Variants in CNTNAP4 observed in about 807,000 individuals in gnomAD.
CNTNAP4 encodes the protein contactin-associated protein-like 4.
CNTNAP4 carries 98 observed loss-of-function variants against 148.4 expected under a neutral mutation model. That is an observed-to-expected ratio of 0.66 (90% confidence interval 0.56 to 0.78). The LOEUF (loss-of-function observed/expected upper bound fraction) is 0.78, where lower values mean the gene tolerates loss of function less well. Among genes scored for constraint, CNTNAP4 ranks in the 30% least tolerant of loss-of-function variants. The pLI, the probability that CNTNAP4 is intolerant of heterozygous loss-of-function variation, is 0.00. For synonymous variants in CNTNAP4, 730 were observed against 565.1 expected (o/e 1.29, Z -4.14); for missense variants, 1,935 against 1,565.6 (o/e 1.24, Z -3.98).
intron 3 of CNTNAP4, among the ~76,000 whole-genome samples, chr16:76,363,393 C>G (rs149028747): frequency 2.6e-5 from 4 of 151,940 alleles, no homozygotes; most frequent in Non-Finnish European, 5.9e-5. Context: ...AACTCCCTAC[C>G]TTAGGCAATC....
At position 76,498,831 on chromosome 16, in the gene CNTNAP4, C is replaced by A. The variant is rs2082510046; in HGVS notation, c.2365+137C>A. On this transcript the variant is annotated intron_variant, in intron 15 of 23. Transcript: ENST00000611870. ...TGAACATTTTTTTTGTTTGTTTCCA[C>A]ATACATGAGGTGCCTTTAGTAGTCA... The A allele has an allele frequency of 3.6e-6, 3 of 836,916 alleles. No individual in the cohort carries two copies. In the African/African-American group the frequency reaches 5.2e-5, roughly 15 times the overall value. 51.8% of individuals were successfully genotyped at this position (836,916 alleles called of 1,614,324 possible). A position where few individuals can be genotyped will look rare whatever the true frequency, so the allele number is the denominator to read the frequency against.
At chr16:76,521,452 CTT>C (rs2083450830) in intron 16 of CNTNAP4, 142 bp downstream of exon 16, 1 of 598,728 alleles carries the variant, frequency 1.7e-6, no homozygotes, top group African/African-American at 1.9e-5. Flanking sequence ...ATAATATTAA[CTT>C]ATCCTGTTTG....
chr16:76,365,751 C>CAAAA (rs35586454), intron 3 of CNTNAP4, among the ~76,000 whole-genome samples: 22,278 of 98,854 alleles, frequency 0.23, 2,260 homozygotes, highest in Non-Finnish European at 0.27. Context: ...GACTCCGTCT[C>CAAAA]AAAAAAAAAA....
At chr16:76,514,903 G>C (rs1597794040) in intron 15 of CNTNAP4, among the ~76,000 whole-genome samples, 1 of 152,078 alleles carries the variant, frequency 6.6e-6, no homozygotes. Flanking sequence ...TTTAGAAGAT[G>C]CACTGATTAC....
chr16:76,401,545 C>T (rs1454304653), intron 3 of CNTNAP4, among the ~76,000 whole-genome samples: 2 of 152,110 alleles, frequency 1.3e-5, no homozygotes, highest in East Asian at 3.9e-4. Context: ...ATTTCTTTCT[C>T]TTGCCTGATT....
intron 4 of CNTNAP4, among the ~76,000 whole-genome samples, chr16:76,436,703 C>T (rs1007820098): frequency 6.6e-6 from 1 of 152,214 alleles, no homozygotes; most frequent in South Asian, 2.1e-4. Flanking sequence ...AAACTCCTTA[C>T]CTCTCACAAG....
At chr16:76,373,827 G>A (rs1440096930) in intron 3 of CNTNAP4, among the ~76,000 whole-genome samples, 2 of 150,518 alleles carry the variant, frequency 1.3e-5, no homozygotes, top group Non-Finnish European at 3.0e-5. Context: ...CTCGGGAGGT[G>A]GAGGTTGCAA....
intron 2 of CNTNAP4, among the ~76,000 whole-genome samples, chr16:76,332,116 T>A (rs8044637): frequency 0.12 from 18,132 of 152,242 alleles, 1,476 homozygotes; most frequent in East Asian, 0.32. Context: ...ACTTGATGCT[T>A]TTAAGATTTT....
chr16:76,379,580 G>A (rs2015762026), intron 3 of CNTNAP4, among the ~76,000 whole-genome samples: 1 of 152,028 alleles, frequency 6.6e-6, no homozygotes, highest in Admixed American at 6.6e-5. Context: ...CGGAGGTCAC[G>A]TCCTAATTAA....
intron 9 of CNTNAP4, among the ~76,000 whole-genome samples, chr16:76,462,311 A>G (rs1403099374): frequency 6.6e-6 from 1 of 152,194 alleles, no homozygotes; most frequent in Non-Finnish European, 1.5e-5. Context: ...TTCTGTTTAC[A>G]GTTTCTTGAT....
At chr16:76,524,880 G>T (rs1056753044) in intron 17 of CNTNAP4, among the ~76,000 whole-genome samples, 2 of 151,944 alleles carry the variant, frequency 1.3e-5, no homozygotes, top group African/African-American at 4.8e-5. Flanking sequence ...ATAAAAATCT[G>T]TTTATGCATT....
chr16:76,338,154 G>GA (rs1415136542), intron 2 of CNTNAP4, among the ~76,000 whole-genome samples: 4 of 152,330 alleles, frequency 2.6e-5, no homozygotes, highest in Admixed American at 1.3e-4. Context: ...AAATGTCCAT[G>GA]AAATCTTCAC....
rs199919225 is a variant in CNTNAP4, at chr16:76,462,110, G to A, written c.1483+5G>A. On this transcript the variant is annotated splice_donor_5th_base_variant and intron_variant, in intron 9 of 23. Coordinates refer to ENST00000611870, the MANE Select transcript of CNTNAP4 (RefSeq NM_033401.5). ...GTGGCACCTATTATTTTGGAGGTAA[G>A]AATAGGTGCCAGGCTCTATGAGCAA... 1.5e-5 allele frequency: 24 copies of A among 1,611,960 alleles called. No homozygotes were observed. The highest frequency in any genetic ancestry group is 1.5e-5 in the Non-Finnish European group (18 of 1,178,868).
chr16:76,466,223 A>T (rs940446016), intron 9 of CNTNAP4, among the ~76,000 whole-genome samples: 28 of 152,188 alleles, frequency 1.8e-4, no homozygotes, highest in African/African-American at 6.0e-4. Context: ...TAACATAATG[A>T]TCTCCAGTTC....
At chr16:76,372,438 G>C (rs1029951750) in intron 3 of CNTNAP4, among the ~76,000 whole-genome samples, 3 of 151,794 alleles carry the variant, frequency 2.0e-5, no homozygotes, top group East Asian at 1.9e-4. Flanking sequence ...GTGGGCCACC[G>C]TGCCCTGCTG....
rs1363088347 is a variant in CNTNAP4 at position 76,452,811 on chromosome 16, A to T, written c.1333+42A>T. 3.4e-6 allele frequency: 5 copies of T among 1,476,106 alleles called. No homozygotes were observed. The East Asian group carries it at 1.2e-4, about 35-fold the overall frequency. The allele number at this position is 1,476,106 out of a possible 1,614,324, so 91.4% of individuals were successfully genotyped here. On this transcript the variant is annotated intron_variant, in intron 8 of 23. Transcript: ENST00000611870. ...CTGGGGCAAAGCATATGGATTTGAAAGATTTCATTATCTCTGTGGCCAAAT... is the reference window on the plus strand; with the variant it reads ...CTGGGGCAAAGCATATGGATTTGAATGATTTCATTATCTCTGTGGCCAAAT...
chr16:76,480,286 T>C (rs1478440638), intron 12 of CNTNAP4, among the ~76,000 whole-genome samples: 2 of 152,206 alleles, frequency 1.3e-5, no homozygotes, highest in East Asian at 3.8e-4. Context: ...AAAATTAATT[T>C]TATTTTTGTA....
intron 21 of CNTNAP4, among the ~76,000 whole-genome samples, chr16:76,541,322 C>T (rs2144298747): frequency 6.6e-6 from 1 of 152,284 alleles, no homozygotes; most frequent in South Asian, 2.1e-4. Context: ...TTATTTATTT[C>T]CATCAATTAC....
intron 3 of CNTNAP4, among the ~76,000 whole-genome samples, chr16:76,384,939 A>G (rs1245605888): frequency 6.6e-6 from 1 of 152,180 alleles, no homozygotes; most frequent in Non-Finnish European, 1.5e-5. Flanking sequence ...TAAATTTTTT[A>G]AAAAATCAAT....
Sources: gnomAD v4.1 joint callset for allele counts (sites outside exome capture counted in the v4.1 genomes callset) on GRCh38, gnomAD v4.1.1 for gene constraint, MANE v1.5 for transcripts, NCBI Gene and HGNC (gene_info 2026-07-23, HGNC 2026-07-21) for gene names.